ACVR2A: variants seen among roughly 807,000 people sequenced by gnomAD.
The protein encoded by ACVR2A is activin receptor type-2A.
ACVR2A carries 7 observed loss-of-function variants against 61.4 expected under a neutral mutation model. The observed-to-expected ratio is 0.11, with a 90% confidence interval of 0.06 to 0.21. The LOEUF is 0.21. Ranked by LOEUF, ACVR2A falls within the 10% of genes least tolerant of loss-of-function variation. The pLI is 1.00. For missense variants in ACVR2A, 322 were observed against 621.7 expected, an observed-to-expected ratio of 0.52 and a Z score of 5.13; for synonymous variants, 193 against 208.3, an observed-to-expected ratio of 0.93 and a Z score of 0.63.
At chr2:147,914,299 G>A (rs1003400837) in intron 4 of ACVR2A, among the ~76,000 whole-genome samples, 5 of 151,946 alleles carry the variant, frequency 3.3e-5, no homozygotes, top group Admixed American at 6.6e-5. Flanking sequence ...AAGGCTTCCT[G>A]CATCTTGCTT....
chr2:147,917,526 A>G (rs1253800311), intron 6 of ACVR2A, 100 bp downstream of exon 6: 3 of 1,224,848 alleles, frequency 2.4e-6, no homozygotes, highest in Non-Finnish European at 3.4e-6. Flanking sequence ...GACATCTTAT[A>G]GTTGATTAAT....
rs1687194911 is a variant in ACVR2A at position 147,914,255 on chromosome 2, ACCC to A, written c.529-935_529-933del. ...AAATACTCATTATGCAGCCCTCCAA[ACCC>A]TTCTGTTGCTTTTCTCTGGAAGCTT... is the stretch of plus-strand genomic sequence containing the variant. On this transcript the variant is annotated intron_variant, in intron 4 of 10. Coordinates refer to ENST00000241416, the MANE Select transcript of ACVR2A (RefSeq NM_001616.5). 1.3e-5 allele frequency among the ~76,000 whole-genome samples: 2 copies of A among 151,762 alleles called. 1 individual carries two copies. Among genetic ancestry groups the A allele is most frequent in the Admixed American group, 1.3e-4 (2 of 15,190 alleles).
Position 147,923,519 on chromosome 2 carries a change from G to A in ACVR2A, c.1216+408G>A, listed in dbSNP as rs530784394. Among the ~76,000 whole-genome samples the A allele has an allele frequency of 2.0e-5, 3 of 152,092 alleles. No homozygotes were observed. In the South Asian group the frequency reaches 6.2e-4, roughly 32 times the overall value. On this transcript the variant is annotated intron_variant, in intron 9 of 10. Coordinates refer to ENST00000241416, the MANE Select transcript of ACVR2A (RefSeq NM_001616.5). ...GGAGAGGTCTGCTTTAAGGTCATAT[G>A]GGTCCTGCCCCCCAGGTTAAAGGGT...
At chr2:147,909,031 C>A (rs969805793) in intron 4 of ACVR2A, among the ~76,000 whole-genome samples, 2 of 152,118 alleles carry the variant, frequency 1.3e-5, no homozygotes, top group African/African-American at 4.8e-5. Flanking sequence ...CAAGCACTTA[C>A]CATTCACAGG....
In ACVR2A at chr2:147,876,662, G is replaced by C. The variant is rs143563129; in HGVS notation, c.56-19639G>C. On this transcript the variant is annotated intron_variant, in intron 1 of 10. Transcript: ENST00000241416. The stretch of plus-strand genomic sequence containing the variant: ...AAGTTCCTCTTGCGCTTTCATTGCA[G>C]TTGTTTCCTCTTCTTAATTTGTTTT... Among the ~76,000 whole-genome samples the C allele has an allele frequency of 6.9e-4, 105 of 152,248 alleles. 1 individual carries two copies. The highest frequency in any genetic ancestry group is 2.4e-3 in the African/African-American group (100 of 41,556).
At chr2:147,894,426 CT>C (rs199986412) in intron 1 of ACVR2A, among the ~76,000 whole-genome samples, 512 of 152,090 alleles carry the variant, frequency 3.4e-3, no homozygotes, top group East Asian at 8.3e-3. Context: ...CATTGATGAA[CT>C]TTTTGTCTTT....
intron 1 of ACVR2A, among the ~76,000 whole-genome samples, chr2:147,850,224 T>TG (rs1311941628): frequency 6.6e-6 from 1 of 152,132 alleles, no homozygotes. Flanking sequence ...TTATACTGCT[T>TG]GCTTGTGGAA....
chr2:147,854,857 A>G (rs1471047035), intron 1 of ACVR2A, among the ~76,000 whole-genome samples: 2 of 151,964 alleles, frequency 1.3e-5, no homozygotes, highest in Admixed American at 6.6e-5. Context: ...GCCTTATCAC[A>G]TATCACATCT....
At chr2:147,925,501 G>A (rs1687480748) in intron 9 of ACVR2A, among the ~76,000 whole-genome samples, 1 of 151,908 alleles carries the variant, frequency 6.6e-6, no homozygotes, top group Non-Finnish European at 1.5e-5. Flanking sequence ...AAATAAACAT[G>A]TACTTTTTGG....
At chr2:147,845,348 G>GCCTC in intron 1 of ACVR2A, 141 bp downstream of exon 1, 1 of 271,698 alleles carries the variant, frequency 3.7e-6, no homozygotes, top group Non-Finnish European at 5.9e-6. Flanking sequence ...GGCTGCCACC[G>GCCTC]CCCCCCCCCC....
At chr2:147,900,240 G>C (rs1237910978) in intron 4 of ACVR2A, among the ~76,000 whole-genome samples, 1 of 152,002 alleles carries the variant, frequency 6.6e-6, no homozygotes, top group Non-Finnish European at 1.5e-5. Context: ...TTTGCCCTCT[G>C]TCCCCTCCTC....
intron 1 of ACVR2A, among the ~76,000 whole-genome samples, chr2:147,848,827 GA>G (rs1685381367): frequency 6.6e-6 from 1 of 151,772 alleles, no homozygotes; most frequent in Non-Finnish European, 1.5e-5. Flanking sequence ...AAAAAAAAAG[GA>G]AAAACTCAGT....
chr2:147,875,475 C>CT (rs1386740342), intron 1 of ACVR2A, among the ~76,000 whole-genome samples: 1 of 151,856 alleles, frequency 6.6e-6, no homozygotes, highest in African/African-American at 2.4e-5. Context: ...AATAGAATCT[C>CT]TTTTTTCCCC....
Position 147,890,251 on chromosome 2 carries a change from T to A in ACVR2A, c.56-6050T>A, listed in dbSNP as rs1686548542. ...CAGCCCTTCTTCTATAGAATACAGG[T>A]GAGACAGATTACCAGAGGAGTTTGC... is the stretch of plus-strand genomic sequence containing the variant. On this transcript the variant is annotated intron_variant, in intron 1 of 10. Transcript: ENST00000241416. Among the ~76,000 whole-genome samples the A allele has an allele frequency of 1.3e-5, 2 of 152,074 alleles. 1 individual carries two copies. The highest frequency in any genetic ancestry group is 4.1e-4 in the South Asian group (2 of 4,822).
At chr2:147,880,128 C>T (rs1686262821) in intron 1 of ACVR2A, among the ~76,000 whole-genome samples, 1 of 152,068 alleles carries the variant, frequency 6.6e-6, no homozygotes, top group East Asian at 1.9e-4. Context: ...TCTAAGGTAT[C>T]ATTACTACCT....
chr2:147,867,384 G>T (rs933063589), intron 1 of ACVR2A, among the ~76,000 whole-genome samples: 5 of 152,134 alleles, frequency 3.3e-5, no homozygotes, highest in Non-Finnish European at 7.4e-5. Context: ...GAAACCATTT[G>T]GAGCCAGAAA....
intron 1 of ACVR2A, among the ~76,000 whole-genome samples, chr2:147,889,706 C>T (rs966225624): frequency 6.6e-6 from 1 of 151,896 alleles, no homozygotes; most frequent in African/African-American, 2.4e-5. Context: ...GAGATCGCAC[C>T]ATTGCACTCC....
At chr2:147,909,719 C>G (rs1386405245) in intron 4 of ACVR2A, among the ~76,000 whole-genome samples, 1 of 152,114 alleles carries the variant, frequency 6.6e-6, no homozygotes, top group African/African-American at 2.4e-5. Flanking sequence ...CCCACTGCAG[C>G]CTCAATCTCC....
At position 147,920,312 on chromosome 2, in the gene ACVR2A, G is replaced by A; in HGVS notation, c.1045G>A (p.Ala349Thr). ...ADFGLALKFE[A>T]GKSAGDTHGQ... ...CTTTGGGTTGGCCTTAAAATTTGAG[G>A]CTGGCAAGTCTGCAGGCGATACCCA... Residue 349 changes from alanine to threonine, a missense_variant, in exon 8 of 11, where the codon GCT (alanine) becomes ACT (threonine). Ala to Thr is a moderately conservative substitution (Grantham distance 58). Transcript: ENST00000241416. 1 of 1,613,514 alleles carries A rather than the reference G, an allele frequency of 6.2e-7. No homozygotes were observed. Among genetic ancestry groups the A allele is most frequent in the Non-Finnish European group, 8.5e-7 (1 of 1,179,588 alleles).
Sources: allele counts gnomAD v4.1 joint callset (sites outside exome capture counted in the v4.1 genomes callset), GRCh38; gene constraint gnomAD v4.1.1; transcripts MANE v1.5; gene names NCBI Gene and HGNC (gene_info 2026-07-23, HGNC 2026-07-21).